The following GMEB1 variants were observed in gnomAD, a reference collection of about 807,000 sequenced individuals.
GMEB1 encodes the protein glucocorticoid modulatory element binding protein 1.
GMEB1 carries 6 observed loss-of-function variants against 52.4 expected under a neutral mutation model. That is an observed-to-expected ratio of 0.11 (90% CI 0.06 to 0.23). The LOEUF (loss-of-function observed/expected upper bound fraction) is 0.23. Ranked by LOEUF, GMEB1 falls within the 10% of genes least tolerant of loss-of-function variation. The pLI, the probability that GMEB1 is intolerant of heterozygous loss-of-function variation, is 1.00. For missense variants in GMEB1, 486 were observed against 685.6 expected (o/e 0.71, Z 3.25); for synonymous variants, 255 against 244.9 (o/e 1.04, Z -0.38).
intron 5 of GMEB1, among the ~76,000 whole-genome samples, chr1:28,696,559 C>T (rs904947220): frequency 4.6e-5 from 7 of 152,018 alleles, no homozygotes; most frequent in South Asian, 2.1e-4. Flanking sequence ...TGTCCTATAA[C>T]GTTTTGTGGA....
At chr1:28,700,875 G>T (rs1338198286) in intron 6 of GMEB1, among the ~76,000 whole-genome samples, 2 of 152,050 alleles carry the variant, frequency 1.3e-5, no homozygotes, top group Admixed American at 1.3e-4. Flanking sequence ...ATTTACAGTT[G>T]GCCCTTGAAC....
intron 6 of GMEB1, among the ~76,000 whole-genome samples, chr1:28,701,268 CT>C (rs67909525): frequency 4.2e-4 from 46 of 109,832 alleles, no homozygotes; most frequent in Admixed American, 1.4e-3. Context: ...TAAAAGCTGT[CT>C]TTTTTTTTTT....
intron 1 of GMEB1, among the ~76,000 whole-genome samples, chr1:28,679,937 C>T (rs944460284): frequency 3.3e-5 from 5 of 152,066 alleles, no homozygotes; most frequent in African/African-American, 1.2e-4. Flanking sequence ...TCCCAAGTAG[C>T]TGGGATTATA....
chr1:28,696,963 A>G lies in GMEB1; in HGVS notation c.477A>G (p.Gln159=), dbSNP rs1670235264. Residue 159 remains glutamine, a synonymous_variant, in exon 6 of 10, where the codon CAA becomes CAG. Transcript: ENST00000373816. ...ACTCCGGACAGATTGATTTTTACCA[A>G]CATGACAAAGTTTGCTCCAATACCT... ...MMDSGQIDFY[Q]HDKVCSNTCR... 1.9e-6 allele frequency: 3 copies of G among 1,611,426 alleles called. No individual in the cohort carries two copies. The highest frequency in any genetic ancestry group is 2.2e-5 in the South Asian group (2 of 90,754).
intron 6 of GMEB1, among the ~76,000 whole-genome samples, chr1:28,701,270 T>TA (rs1277734963): frequency 7.0e-6 from 1 of 142,102 alleles, no homozygotes; most frequent in Non-Finnish European, 1.5e-5. Flanking sequence ...AAAGCTGTCT[T>TA]TTTTTTTTTT....
At chr1:28,708,427 G>A (rs895145135) in intron 8 of GMEB1, among the ~76,000 whole-genome samples, 1 of 151,810 alleles carries the variant, frequency 6.6e-6, no homozygotes, top group Non-Finnish European at 1.5e-5. Context: ...GCCTCCCAAA[G>A]TGCTGGGATT....
Position 28,702,498 on chromosome 1 carries a change from A to G in GMEB1, c.659A>G (p.Asn220Ser). 2 of 1,613,270 alleles carry G rather than the reference A, an allele frequency of 1.2e-6. No homozygotes were observed. Among genetic ancestry groups the G allele is most frequent in the South Asian group, 1.1e-5 (1 of 91,066 alleles). Residue 220 changes from asparagine to serine, a missense_variant, in exon 7 of 10, where the codon AAC becomes AGC. This residue lies in a region of GMEB1 where 200 missense variants were observed against 253.5 expected (regional missense o/e 0.79). Transcript: ENST00000373816. ...ESMEEAGLEW[N>S]SALTAAVTMA... The stretch of plus-strand genomic sequence containing the variant: ...ATGGAAGAGGCAGGGCTGGAATGGA[A>G]CTCAGCTCTCACCGCTGCTGTCACC...
intron 8 of GMEB1, among the ~76,000 whole-genome samples, chr1:28,705,051 C>A (rs933166626): frequency 2.7e-5 from 4 of 149,412 alleles, no homozygotes; most frequent in Non-Finnish European, 4.4e-5. Context: ...GGACTCTACT[C>A]CAGCCTGGGT....
At chr1:28,707,160 T>A (rs973389404) in intron 8 of GMEB1, among the ~76,000 whole-genome samples, 6 of 151,670 alleles carry the variant, frequency 4.0e-5, no homozygotes, top group African/African-American at 1.5e-4. Flanking sequence ...TTTTTTATAT[T>A]TTTTGTAGAG....
In GMEB1 at chr1:28,716,752, G is replaced by GT. The variant is rs1434888713; in HGVS notation, c.*1981dup. 1 of 137,194 alleles carries GT rather than the reference G, an allele frequency of 7.3e-6. No individual in the cohort carries two copies. Among genetic ancestry groups the GT allele is most frequent in the South Asian group, 2.4e-4 (1 of 4,178 alleles). The allele number at this position is 137,194 out of a possible 1,614,324, so 8.5% of individuals were successfully genotyped here. ...CAATAATAATGCTTTGGGGGGGGGG[G>GT]TTATTTTGTTTTGTTTTGTTTTTAA... On this transcript the variant is annotated 3_prime_UTR_variant, in exon 10 of 10. Transcript: ENST00000373816.
At chr1:28,696,849 C>A in intron 5 of GMEB1, 78 bp from the exon 6 acceptor site, 4 of 1,079,574 alleles carry the variant, frequency 3.7e-6, no homozygotes, top group Admixed American at 2.0e-5. Flanking sequence ...GCAGTGTTGT[C>A]CCTATTTTTC....
At chr1:28,675,566 G>A (rs1669112835) in intron 1 of GMEB1, among the ~76,000 whole-genome samples, 1 of 151,628 alleles carries the variant, frequency 6.6e-6, no homozygotes, top group Non-Finnish European at 1.5e-5. Context: ...CATCCCAGCT[G>A]CTACTCGGAA....
intron 6 of GMEB1, among the ~76,000 whole-genome samples, chr1:28,699,447 T>A (rs77216550): frequency 7.2e-5 from 11 of 152,110 alleles, no homozygotes; most frequent in Admixed American, 2.6e-4. Flanking sequence ...TTTTTTTTTT[T>A]AAGACAGAAT....
chr1:28,681,465 T>C (rs573918866), intron 1 of GMEB1, among the ~76,000 whole-genome samples: 2 of 152,136 alleles, frequency 1.3e-5, no homozygotes, highest in Non-Finnish European at 2.9e-5. Flanking sequence ...TTAAAGACAT[T>C]TCAGGCTTAA....
chr1:28,710,256 T>C (rs1670984391), intron 8 of GMEB1, among the ~76,000 whole-genome samples: 1 of 152,134 alleles, frequency 6.6e-6, no homozygotes, highest in Admixed American at 6.6e-5. Context: ...GCTCCCGCCT[T>C]GGCCTCCCAA....
chr1:28,683,608 G>C lies in GMEB1; in HGVS notation c.-5G>C. The C allele has an allele frequency of 6.3e-7, 1 of 1,595,224 alleles. No individual in the cohort carries two copies. Among genetic ancestry groups the C allele is most frequent in the Non-Finnish European group, 8.5e-7 (1 of 1,172,862 alleles). On this transcript the variant is annotated 5_prime_UTR_variant, in exon 2 of 10. The change abolishes the stop of an existing upstream ORF in the 5' untranslated region. Transcript: ENST00000373816. ...CAGTCCCAGCTATCTGACTTCATGT[G>C]AAAGATGGCTAATGCAGAAGTGAGT... is the stretch of plus-strand genomic sequence containing the variant.
Position 28,687,377 on chromosome 1 carries a change from C to CAAAAAAAAAAA in GMEB1, c.129-2726_129-2725insAAAAAAAAAAA, listed in dbSNP as rs1260455703. Among the ~76,000 whole-genome samples the CAAAAAAAAAAA allele has an allele frequency of 1.3e-3, 19 of 14,786 alleles. 1 individual carries two copies. The highest frequency in any genetic ancestry group is 3.0e-3 in the South Asian group (1 of 334). The allele number at this position is 14,786 out of a possible 152,430, so 9.7% of individuals were successfully genotyped here. On this transcript the variant is annotated intron_variant, in intron 2 of 9. Coordinates refer to ENST00000373816, the MANE Select transcript of GMEB1 (RefSeq NM_001319674.2). ...ACACACACACACACACACACACACA[C>CAAAAAAAAAAA]ACACACACACAAAAAAAGACAGTGG...
At chr1:28,703,849 A>G (rs1670628059) in intron 7 of GMEB1, among the ~76,000 whole-genome samples, 1 of 151,132 alleles carries the variant, frequency 6.6e-6, no homozygotes, top group South Asian at 2.1e-4. Flanking sequence ...TCTCGTTTTT[A>G]AATTAAATTA....
chr1:28,684,545 A>G (rs1229351982), intron 2 of GMEB1, among the ~76,000 whole-genome samples: 2 of 147,270 alleles, frequency 1.4e-5, no homozygotes, highest in African/African-American at 5.0e-5. Context: ...TCTGGGCGAC[A>G]GAGCGAGACT....
Sources: gnomAD v4.1 joint callset for allele counts (sites outside exome capture counted in the v4.1 genomes callset) on GRCh38, gnomAD v4.1.1 for gene constraint, gnomAD v4.1.1 regional missense constraint, MANE v1.5 for transcripts, NCBI Gene and HGNC (gene_info 2026-07-23, HGNC 2026-07-21) for gene names.